GATA3: variants seen among roughly 807,000 people sequenced by gnomAD.
GATA3 encodes the protein trans-acting T-cell-specific transcription factor GATA-3.
In GATA3, 6 loss-of-function variants were observed where a neutral mutation model predicts 36.0. The observed-to-expected ratio is 0.17, with a 90% CI of 0.09 to 0.33. The LOEUF is 0.33. Among genes scored for constraint, GATA3 ranks in the 10% least tolerant of loss-of-function variants. GATA3 has a pLI of 1.00. For synonymous variants in GATA3, 326 were observed against 273.0 expected (o/e 1.19, Z -1.92); for missense variants, 514 against 610.1 (o/e 0.84, Z 1.66).
At position 8,058,461 on chromosome 10, in the gene GATA3, A is replaced by AC. The variant is rs772396478; in HGVS notation, c.404dup (p.Ala136GlyfsTer168). 6.2e-7 allele frequency: 1 copy of AC among 1,611,096 alleles called. No homozygotes were observed. The highest frequency in any genetic ancestry group is 8.5e-7 in the Non-Finnish European group (1 of 1,179,510). ...GGCTCCCCGGGGCCCCTCTCCGTCT[A>AC]CCCCCCGGCCTCGTCCTCCTCCTTG... On this transcript the variant is annotated frameshift_variant, in exon 3 of 6. Transcript: ENST00000379328. LOFTEE classifies it high-confidence loss of function.
chr10:8,060,741 T>C (rs1243987318), intron 3 of GATA3, among the ~76,000 whole-genome samples: 1 of 152,154 alleles, frequency 6.6e-6, no homozygotes, highest in Non-Finnish European at 1.5e-5. Flanking sequence ...TTCTTTCCTC[T>C]CATTTCTTTC....
At chr10:8,063,732 G>A in intron 3 of GATA3, among the ~76,000 whole-genome samples, 1 of 152,176 alleles carries the variant, frequency 6.6e-6, no homozygotes, top group East Asian at 1.9e-4. Context: ...GGCAAGCCAA[G>A]AACAGGGTTC....
chr10:8,050,031 C>T (rs1449963933), upstream of GATA3, among the ~76,000 whole-genome samples: 2 of 152,208 alleles, frequency 1.3e-5, no homozygotes, highest in African/African-American at 4.8e-5. Context: ...CGGCCCTGGC[C>T]TGGCTCAGGT....
At chr10:8,049,648 G>A (rs764631979), upstream of GATA3, among the ~76,000 whole-genome samples, 5 of 152,178 alleles carry the variant, frequency 3.3e-5, no homozygotes, top group African/African-American at 4.8e-5. Flanking sequence ...CCGGCGAGCT[G>A]TTTATACAGC....
upstream of GATA3, chr10:8,052,909 G>GA (rs1832537844): frequency 7.1e-6 from 1 of 140,442 alleles, no homozygotes; most frequent in Non-Finnish European, 1.5e-5. Context: ...GGGGGGGGGG[G>GA]AGCTTTCTTT....
In GATA3 at chr10:8,055,787, G is replaced by A. The variant is rs769859105; in HGVS notation, c.132G>A (p.Pro44=). The A allele has an allele frequency of 2.1e-5, 33 of 1,592,572 alleles. No homozygotes were observed. In the Middle Eastern group the frequency reaches 2.3e-3, roughly 111 times the overall value. The change falls in exon 2 of 6, where the codon CCG becomes CCA. Residue 44 remains proline (P), a synonymous_variant. Transcript: ENST00000379328. This position sits in a 1 kb window ranked among gnomAD's most constrained non-coding sequence, Gnocchi z 5.4. ...TGGACGCGGCGCAGTACCCGCTGCC[G>A]GAGGAGGTGGATGTGCTTTTTAACA... ...SYMDAAQYPL[P]EEVDVLFNID... is the part of the protein sequence containing the mutation.
At chr10:8,053,619 C>G (rs769872065), upstream of GATA3, 1 of 152,296 alleles carries the variant, frequency 6.6e-6, no homozygotes, top group Admixed American at 6.5e-5. This position sits in a 1 kb window ranked among gnomAD's most constrained non-coding sequence, Gnocchi z 5.1. Context: ...GCCTCGGAGC[C>G]GCGTGCCCTC....
Position 8,074,157 on chromosome 10 carries a change from G to T in GATA3, c.*134G>T. The T allele has an allele frequency of 9.7e-7, 1 of 1,028,092 alleles. No homozygotes were observed. The highest frequency in any genetic ancestry group is 1.4e-6 in the Non-Finnish European group (1 of 719,444). The allele number at this position is 1,028,092 out of a possible 1,614,324, so 63.7% of individuals were successfully genotyped here. On this transcript the variant is annotated 3_prime_UTR_variant, in exon 6 of 6. Coordinates refer to ENST00000379328, the MANE Select transcript of GATA3 (RefSeq NM_001002295.2). Reference sequence around the variant, plus strand: ...TTTTGAAGGCAGAAAGCAAAATTATGTTTGCCACTTTGCAAAGGAGCTCAC... The same window carrying T: ...TTTTGAAGGCAGAAAGCAAAATTATTTTTGCCACTTTGCAAAGGAGCTCAC...
chr10:8,067,012 T>C (rs1263016278), intron 4 of GATA3, among the ~76,000 whole-genome samples: 2 of 151,370 alleles, frequency 1.3e-5, no homozygotes, highest in Non-Finnish European at 2.9e-5. Context: ...GTGATATTAA[T>C]CTGCTATATC....
chr10:8,067,230 G>A (rs1832856555), intron 4 of GATA3, among the ~76,000 whole-genome samples: 4 of 152,168 alleles, frequency 2.6e-5, no homozygotes, highest in Admixed American at 2.6e-4. Flanking sequence ...CATGGACAAT[G>A]TGAATTACAT....
chr10:8,064,664 G>A (rs1440514004), intron 4 of GATA3, among the ~76,000 whole-genome samples: 1 of 152,176 alleles, frequency 6.6e-6, no homozygotes, highest in Non-Finnish European at 1.5e-5. Flanking sequence ...GGTTGGAGCT[G>A]ATTAAATGAA....
At chr10:8,059,550 C>T (rs1832714003) in intron 3 of GATA3, among the ~76,000 whole-genome samples, 1 of 152,126 alleles carries the variant, frequency 6.6e-6, no homozygotes, top group African/African-American at 2.4e-5. Flanking sequence ...GGCAGGAAAC[C>T]GTATTAGGAC....
intron 5 of GATA3, among the ~76,000 whole-genome samples, chr10:8,073,286 TACTC>T (rs1832960513): frequency 6.6e-6 from 1 of 152,032 alleles, no homozygotes; most frequent in South Asian, 2.1e-4. Context: ...AACCGAAAGT[TACTC>T]AGTAGAACAG....
chr10:8,067,490 A>T (rs989576863), intron 4 of GATA3, among the ~76,000 whole-genome samples: 1 of 152,214 alleles, frequency 6.6e-6, no homozygotes, highest in Non-Finnish European at 1.5e-5. Context: ...GTTGGCTTCA[A>T]CTTTTTGCTT....
At chr10:8,071,556 T>C (rs750493012) in intron 5 of GATA3, among the ~76,000 whole-genome samples, 3 of 152,188 alleles carry the variant, frequency 2.0e-5, no homozygotes, top group Non-Finnish European at 2.9e-5. Context: ...ATCCTCTCCA[T>C]GGCTCACTTC....
chr10:8,074,434 A>G lies in GATA3; in HGVS notation c.*411A>G, dbSNP rs1387989739. ...GGAAATTAAGAAGAAACTAGGTCTG[A>G]TATTCAAATGGACAAACTGCCAGTT... On this transcript the variant is annotated 3_prime_UTR_variant, in exon 6 of 6. Coordinates refer to ENST00000379328, the MANE Select transcript of GATA3 (RefSeq NM_001002295.2). 3 of 248,000 alleles carry G rather than the reference A, an allele frequency of 1.2e-5. No homozygotes were observed. The highest frequency in any genetic ancestry group is 2.3e-5 in the Non-Finnish European group (3 of 128,756). The allele number at this position is 248,000 out of a possible 1,614,324, so 15.4% of individuals were successfully genotyped here.
chr10:8,052,882 T>A (rs527423799), upstream of GATA3: 1 of 113,078 alleles, frequency 8.8e-6, no homozygotes, highest in Non-Finnish European at 1.7e-5. Context: ...CCAAGTGGGC[T>A]CAGGAGAAAC....
At chr10:8,053,005 C>T (rs1832540023), upstream of GATA3, 1 of 151,874 alleles carries the variant, frequency 6.6e-6, no homozygotes, top group Non-Finnish European at 1.5e-5. The surrounding 1 kb of genome is among the most constrained non-coding windows in gnomAD (Gnocchi z 5.1). Flanking sequence ...AAGGTGAGGA[C>T]TCCAAAGAAG....
upstream of GATA3, chr10:8,050,880 G>C (rs780386906): frequency 8.8e-6 from 4 of 452,514 alleles, no homozygotes; most frequent in African/African-American, 2.1e-5. Flanking sequence ...CTTCGACCCC[G>C]GGGCTCCGCT....
Sources: gnomAD v4.1 joint callset for allele counts (sites outside exome capture counted in the v4.1 genomes callset) on GRCh38, gnomAD v4.1.1 for gene constraint, Gnocchi (gnomAD v3.1) non-coding constraint, MANE v1.5 for transcripts, NCBI Gene and HGNC (gene_info 2026-07-23, HGNC 2026-07-21) for gene names.